CDC42: variants seen among roughly 807,000 people sequenced by gnomAD.
The protein encoded by CDC42 is cell division control protein 42 homolog.
Under a neutral mutation model 20.8 loss-of-function variants are expected in CDC42, and 1 was observed. The ratio of observed to expected loss-of-function variants is 0.05; its 90% CI spans 0.02 to 0.23. The LOEUF (loss-of-function observed/expected upper bound fraction) is 0.23. CDC42 is among the 10% of genes least tolerant of loss of function. The pLI is 1.00. For synonymous variants in CDC42, 72 were observed against 84.8 expected, an observed-to-expected ratio of 0.85 and a Z score of 0.83; for missense variants, 49 against 227.9, an observed-to-expected ratio of 0.21 and a Z score of 5.05.
In CDC42 at chr1:22,054,779, T is replaced by C. The variant is rs1311555269; in HGVS notation, c.-51+2037T>C. 2.0e-5 allele frequency among the ~76,000 whole-genome samples: 3 copies of C among 151,560 alleles called. No individual in the cohort carries two copies. In the East Asian group the frequency reaches 5.8e-4, roughly 29 times the overall value. On this transcript the variant is annotated intron_variant, in intron 1 of 5. Coordinates refer to ENST00000656825, the MANE Select transcript of CDC42 (RefSeq NM_001791.4). ...TAGCCTTGATGTAATATTTTAGGCA[T>C]ATAAAATTGGAACACATCTGCCTTA...
intron 5 of CDC42, chr1:22,089,921 T>C: frequency 6.2e-7 from 1 of 1,610,682 alleles, no homozygotes; most frequent in Middle Eastern, 1.7e-4. Context: ...TGCTATTCTC[T>C]CTCCTCCCCT....
rs557013417 is a variant in CDC42 at position 22,078,812 on chromosome 1, C to G, written c.105+229C>G. 1,239 of 1,426,158 alleles carry G rather than the reference C, an allele frequency of 8.7e-4. 1 individual carries two copies. The highest frequency in any genetic ancestry group is 9.8e-4 in the Non-Finnish European group (1,056 of 1,078,966). 88.3% of individuals were successfully genotyped at this position (1,426,158 alleles called of 1,614,324 possible). On this transcript the variant is annotated intron_variant, in intron 2 of 5. Transcript: ENST00000656825. ...TTGCAAGAAGTGCTGGGAGGCAAAA[C>G]TCCAGTAGACAAGATTCTAACGAGT...
chr1:22,080,252 C>G (rs1007538624), intron 2 of CDC42, among the ~76,000 whole-genome samples: 12 of 152,170 alleles, frequency 7.9e-5, no homozygotes, highest in African/African-American at 2.9e-4. Flanking sequence ...GCCAGCTTTT[C>G]TGATTCTTAG....
intron 1 of CDC42, among the ~76,000 whole-genome samples, chr1:22,061,238 C>G (rs554043326): frequency 2.6e-5 from 4 of 152,052 alleles, no homozygotes; most frequent in Admixed American, 6.6e-5. Flanking sequence ...GAAACCCCGT[C>G]TCTACTAAAA....
intron 1 of CDC42, among the ~76,000 whole-genome samples, chr1:22,075,836 G>A (rs968814981): frequency 6.6e-6 from 1 of 152,156 alleles, no homozygotes; most frequent in Non-Finnish European, 1.5e-5. Context: ...GGCTTAACAG[G>A]GGACTCACAA....
intron 1 of CDC42, among the ~76,000 whole-genome samples, chr1:22,062,039 A>G (rs773085627): frequency 2.0e-5 from 3 of 152,026 alleles, no homozygotes; most frequent in Non-Finnish European, 2.9e-5. Context: ...CCTGGGTTCA[A>G]GCAATTCTGC....
chr1:22,053,349 T>G (rs1645258847), intron 1 of CDC42: 1 of 151,684 alleles, frequency 6.6e-6, no homozygotes, highest in South Asian at 2.1e-4. Context: ...CGGCGGTGCC[T>G]GTCCGAGCTC....
rs761942056 is a variant in CDC42 at position 22,065,809 on chromosome 1, TG to T, written c.-50-12618del. 1.4e-4 allele frequency among the ~76,000 whole-genome samples: 21 copies of T among 152,094 alleles called. 1 individual carries two copies. The highest frequency in any genetic ancestry group is 2.8e-4 in the Non-Finnish European group (19 of 68,006). On this transcript the variant is annotated intron_variant, in intron 1 of 5. Transcript: ENST00000656825. ...GGGTCAGAGTCTCTGTCAACCAGGC[TG>T]GAGTGCAGTGGCATGATCTCAGCTC...
At chr1:22,055,041 C>T (rs537857937) in intron 1 of CDC42, among the ~76,000 whole-genome samples, 1 of 142,574 alleles carries the variant, frequency 7.0e-6, no homozygotes, top group Non-Finnish European at 1.5e-5. Flanking sequence ...GCAAGCTCCG[C>T]CTCCCAGGTT....
chr1:22,071,443 A>C (rs1645491440), intron 1 of CDC42, among the ~76,000 whole-genome samples: 1 of 152,188 alleles, frequency 6.6e-6, no homozygotes, highest in Admixed American at 6.5e-5. Flanking sequence ...CAAACAAGAC[A>C]GTTTGTTAGC....
chr1:22,053,744 T>C (rs1980475), intron 1 of CDC42, among the ~76,000 whole-genome samples: 142,339 of 152,234 alleles, frequency 0.94, 66,590 homozygotes, highest in East Asian at 1. Context: ...TCCTGCCTGC[T>C]TCCCAACACG....
chr1:22,098,574 T>G lies in CDC42; in HGVS notation c.*7057T>G, dbSNP rs1645771621. Reference sequence around the variant, plus strand: ...AAAGCAGTGCTTAGGGCCATATTGTTTTGAAATAGGATCTGAGCACCATTT... The same window carrying G: ...AAAGCAGTGCTTAGGGCCATATTGTGTTGAAATAGGATCTGAGCACCATTT... On this transcript the variant is annotated 3_prime_UTR_variant, in exon 6 of 6. Transcript: ENST00000656825. Among the ~76,000 whole-genome samples the G allele has an allele frequency of 6.6e-6, 1 of 152,236 alleles. No homozygotes were observed. Among genetic ancestry groups the G allele is most frequent in the Non-Finnish European group, 1.5e-5 (1 of 68,032 alleles).
chr1:22,086,279 A>G (rs1259186253), intron 3 of CDC42, among the ~76,000 whole-genome samples, 160 bp from the exon 4 acceptor site: 1 of 152,220 alleles, frequency 6.6e-6, no homozygotes, highest in African/African-American at 2.4e-5. Flanking sequence ...AGTTTGTAGA[A>G]TTAGCTGATT....
rs1645765023 is a variant in CDC42 at position 22,097,407 on chromosome 1, A to G, written c.*5890A>G. Among the ~76,000 whole-genome samples, 2 of 151,836 alleles carry G rather than the reference A, an allele frequency of 1.3e-5. No individual in the cohort carries two copies. Among genetic ancestry groups the G allele is most frequent in the Non-Finnish European group, 2.9e-5 (2 of 67,970 alleles). On this transcript the variant is annotated 3_prime_UTR_variant, in exon 6 of 6. Transcript: ENST00000656825. ...CAGGCGTGAGCCACCGTGCCTGGCTAATTTTTGTATTTTTAGTAGAGATGG... is the reference window on the plus strand; with the variant it reads ...CAGGCGTGAGCCACCGTGCCTGGCTGATTTTTGTATTTTTAGTAGAGATGG...
chr1:22,070,440 C>T (rs1459077625), intron 1 of CDC42, among the ~76,000 whole-genome samples: 1 of 136,986 alleles, frequency 7.3e-6, no homozygotes, highest in African/African-American at 2.7e-5. Flanking sequence ...TCTGCCTTTG[C>T]CTCTTTTTTT....
In CDC42 at chr1:22,095,471, A is replaced by C. The variant is rs11587967; in HGVS notation, c.*3954A>C. Among the ~76,000 whole-genome samples, 4 of 151,948 alleles carry C rather than the reference A, an allele frequency of 2.6e-5. No individual in the cohort carries two copies. Among genetic ancestry groups the C allele is most frequent in the Non-Finnish European group, 5.9e-5 (4 of 67,972 alleles). Reference sequence around the variant, plus strand: ...TTTTTAGTAGAGATAGGGTTTCACCATGTTAGCCAGGATGGTCTCGATCTC... The same window carrying C: ...TTTTTAGTAGAGATAGGGTTTCACCCTGTTAGCCAGGATGGTCTCGATCTC... On this transcript the variant is annotated 3_prime_UTR_variant, in exon 6 of 6. Coordinates refer to ENST00000656825, the MANE Select transcript of CDC42 (RefSeq NM_001791.4).
At chr1:22,085,877 ACT>A (rs1261766109) in intron 3 of CDC42, among the ~76,000 whole-genome samples, 2 of 152,042 alleles carry the variant, frequency 1.3e-5, no homozygotes, top group Non-Finnish European at 2.9e-5. Context: ...ATGGAGTCTC[ACT>A]CTGTCACCCA....
intron 5 of CDC42, among the ~76,000 whole-genome samples, chr1:22,088,371 T>C (rs1570042120): frequency 6.6e-6 from 1 of 152,268 alleles, no homozygotes; most frequent in Non-Finnish European, 1.5e-5. Context: ...TGGATGCTTT[T>C]AATGTAAGAT....
chr1:22,072,734 G>A (rs565162759), intron 1 of CDC42, among the ~76,000 whole-genome samples: 19 of 152,186 alleles, frequency 1.2e-4, no homozygotes, highest in African/African-American at 4.3e-4. Flanking sequence ...ATAAATTCAG[G>A]TGTGAATTTG....
Sources: gnomAD v4.1 joint callset for allele counts (sites outside exome capture counted in the v4.1 genomes callset) on GRCh38, gnomAD v4.1.1 for gene constraint, MANE v1.5 for transcripts, NCBI Gene and HGNC (gene_info 2026-07-23, HGNC 2026-07-21) for gene names.